The following PBX1 variants were observed in gnomAD, a reference collection of about 807,000 sequenced individuals.
PBX1 encodes the protein pre-B-cell leukemia transcription factor 1.
A neutral mutation model predicts 53.4 loss-of-function variants in PBX1; 6 were observed. The ratio of observed to expected loss-of-function variants is 0.11; its 90% CI spans 0.06 to 0.22. The LOEUF (loss-of-function observed/expected upper bound fraction) is 0.22, where lower values mean the gene tolerates loss of function less well. PBX1 is among the 10% of genes least tolerant of loss of function. The probability of loss-of-function intolerance (pLI) is 1.00; values close to 1 mark genes in which losing one functional copy is unlikely to be tolerated. For synonymous variants in PBX1, 204 were observed against 212.3 expected (o/e 0.96, Z 0.34); for missense variants, 251 against 551.4 (o/e 0.46, Z 5.46).
At chr1:164,633,306 T>C (rs1163753958) in intron 2 of PBX1, among the ~76,000 whole-genome samples, 1 of 152,034 alleles carries the variant, frequency 6.6e-6, no homozygotes, top group Non-Finnish European at 1.5e-5. Flanking sequence ...TGCGTCACCA[T>C]GCCCGGCTAA....
chr1:164,766,923 T>A (rs184994503), intron 2 of PBX1, among the ~76,000 whole-genome samples: 1 of 151,980 alleles, frequency 6.6e-6, no homozygotes, highest in Non-Finnish European at 1.5e-5. Context: ...AGAGACGGGG[T>A]TTCACGATGT....
chr1:164,600,995 G>A (rs947324765), intron 2 of PBX1, among the ~76,000 whole-genome samples: 1 of 152,054 alleles, frequency 6.6e-6, no homozygotes, highest in African/African-American at 2.4e-5. Context: ...CCAGCACTTT[G>A]GGAGGCCGAG....
intron 2 of PBX1, among the ~76,000 whole-genome samples, chr1:164,659,410 C>T (rs529148153): frequency 9.1e-4 from 138 of 152,302 alleles, no homozygotes; most frequent in Non-Finnish European, 1.2e-3. Flanking sequence ...AACTCTCCTC[C>T]CTCTATATTA....
chr1:164,741,735 A>AGTGTGTGTGTGT (rs1472287507), intron 2 of PBX1, among the ~76,000 whole-genome samples: 38 of 83,510 alleles, frequency 4.6e-4, no homozygotes, highest in Non-Finnish European at 7.6e-4. Flanking sequence ...AGCATGTATG[A>AGTGTGTGTGTGT]GTGAGTGTGT....
chr1:164,801,818 T>C (rs1483620040), intron 4 of PBX1, among the ~76,000 whole-genome samples: 1 of 152,202 alleles, frequency 6.6e-6, no homozygotes, highest in Non-Finnish European at 1.5e-5. Context: ...GGTATATTTA[T>C]TACCAGTGAA....
chr1:164,702,412 G>T (rs546134268), intron 2 of PBX1, among the ~76,000 whole-genome samples: 1 of 152,230 alleles, frequency 6.6e-6, no homozygotes, highest in Admixed American at 6.5e-5. Flanking sequence ...CCTCATTCTG[G>T]TAGAACTGCT....
intron 2 of PBX1, among the ~76,000 whole-genome samples, chr1:164,878,726 TA>T (rs377348171): frequency 6.6e-6 from 1 of 152,084 alleles, no homozygotes; most frequent in African/African-American, 2.4e-5. Context: ...AAGTAAAAGT[TA>T]GAGAAATGGG....
intron 8 of PBX1, among the ~76,000 whole-genome samples, chr1:164,832,406 A>G (rs546617118): frequency 6.6e-6 from 1 of 152,196 alleles, no homozygotes; most frequent in Non-Finnish European, 1.5e-5. Flanking sequence ...AGGCTACCCT[A>G]CACCTTTATT....
chr1:164,578,664 G>A (rs886726609), intron 2 of PBX1, among the ~76,000 whole-genome samples: 1 of 152,170 alleles, frequency 6.6e-6, no homozygotes, highest in Non-Finnish European at 1.5e-5. Context: ...GCCCATGACA[G>A]GAGCCTGGAA....
At chr1:164,628,934 A>C (rs1658225444) in intron 2 of PBX1, among the ~76,000 whole-genome samples, 2 of 152,078 alleles carry the variant, frequency 1.3e-5, no homozygotes, top group South Asian at 4.2e-4. Flanking sequence ...CCCTTTGCTC[A>C]TGTCCCTCTC....
Position 164,716,147 on chromosome 1 carries a change from A to G in PBX1, c.266-76347A>G, listed in dbSNP as rs188964468. Among the ~76,000 whole-genome samples the G allele has an allele frequency of 4.6e-5, 7 of 152,338 alleles. No homozygotes were observed. The East Asian group carries it at 1.4e-3, about 29-fold the overall frequency. On this transcript the variant is annotated intron_variant, in intron 2 of 8. Transcript: ENST00000420696. Reference sequence around the variant, plus strand: ...CAGCAAGATGTTTTCAGATCATACAAAAACAATGTGTGTGGTGACTGCCAA... The same window carrying G: ...CAGCAAGATGTTTTCAGATCATACAGAAACAATGTGTGTGGTGACTGCCAA...
At chr1:164,766,742 T>A (rs12130753) in intron 2 of PBX1, among the ~76,000 whole-genome samples, 3,609 of 149,018 alleles carry the variant, frequency 0.024, 47 homozygotes, top group African/African-American at 0.038. Context: ...TTATTTATTT[T>A]TTTTTTTTTG....
chr1:164,834,972 C>T (rs1391552744), intron 8 of PBX1, among the ~76,000 whole-genome samples: 1 of 152,110 alleles, frequency 6.6e-6, no homozygotes, highest in African/African-American at 2.4e-5. Flanking sequence ...TTCAGGAAAA[C>T]CACAAAGAAG....
chr1:164,590,235 A>C, intron 2 of PBX1: 1 of 399,020 alleles, frequency 2.5e-6, no homozygotes, highest in Non-Finnish European at 4.9e-6. Context: ...GCTGGGGGTC[A>C]GGGAGCAGAT....
intron 3 of PBX1, among the ~76,000 whole-genome samples, chr1:164,793,789 G>GCTTTT (rs762261764): frequency 1.3e-5 from 2 of 149,758 alleles, no homozygotes; most frequent in African/African-American, 2.5e-5. Flanking sequence ...TGAATCATTA[G>GCTTTT]CTTTTCTTTT....
chr1:164,885,480 T>A (rs1672756292), intron 2 of PBX1, among the ~76,000 whole-genome samples: 1 of 152,210 alleles, frequency 6.6e-6, no homozygotes, highest in African/African-American at 2.4e-5. Context: ...AGTTGCTTCA[T>A]GCTTCTAGGC....
At chr1:164,873,339 C>T (rs1464555494) in intron 2 of PBX1, among the ~76,000 whole-genome samples, 1 of 152,186 alleles carries the variant, frequency 6.6e-6, no homozygotes, top group Non-Finnish European at 1.5e-5. Context: ...TCACTATTAT[C>T]CTAAGAAGTA....
At chr1:164,794,931 A>T (rs1337320476) in intron 3 of PBX1, among the ~76,000 whole-genome samples, 1 of 152,180 alleles carries the variant, frequency 6.6e-6, no homozygotes, top group Non-Finnish European at 1.5e-5. Context: ...AACTGTCTTT[A>T]ATCTGAGCTC....
At chr1:164,669,723 T>C (rs74117970) in intron 2 of PBX1, among the ~76,000 whole-genome samples, 4,613 of 152,288 alleles carry the variant, frequency 0.03, 108 homozygotes, top group South Asian at 0.056. Flanking sequence ...CCTAAACACA[T>C]GTTCACAGCC....
Sources: allele counts gnomAD v4.1 joint callset (sites outside exome capture counted in the v4.1 genomes callset), GRCh38; gene constraint gnomAD v4.1.1; transcripts MANE v1.5; gene names NCBI Gene and HGNC (gene_info 2026-07-23, HGNC 2026-07-21).